Variants in ARHGAP15 observed in about 807,000 individuals in gnomAD.
The protein encoded by ARHGAP15 is Rho GTPase activating protein 15.
ARHGAP15 carries 51 observed loss-of-function variants against 63.7 expected under a neutral mutation model. That is an observed-to-expected ratio of 0.80 (90% CI 0.64 to 1.01). The LOEUF (loss-of-function observed/expected upper bound fraction) is 1.01. ARHGAP15 is among the 50% of genes least tolerant of loss of function. ARHGAP15 has a pLI of 0.00. For synonymous variants in ARHGAP15, 191 were observed against 193.8 expected (o/e 0.99, Z 0.12); for missense variants, 560 against 564.6 (o/e 0.99, Z 0.08).
intron 10 of ARHGAP15, among the ~76,000 whole-genome samples, chr2:143,528,792 C>A (rs1375214753): frequency 6.6e-6 from 1 of 152,078 alleles, no homozygotes. Flanking sequence ...GTCACGACAA[C>A]AGTGAGATTT....
chr2:143,360,552 G>T (rs1686004390), intron 6 of ARHGAP15, among the ~76,000 whole-genome samples: 1 of 151,982 alleles, frequency 6.6e-6, no homozygotes, highest in South Asian at 2.1e-4. Context: ...CTGTCCAAGA[G>T]TTTTAAGCAA....
At chr2:143,708,701 A>G (rs953970569) in intron 13 of ARHGAP15, among the ~76,000 whole-genome samples, 3 of 151,936 alleles carry the variant, frequency 2.0e-5, no homozygotes, top group Non-Finnish European at 2.9e-5. Context: ...GGCATAAGGA[A>G]ATTGGAAATA....
chr2:143,439,634 G>A (rs1574452652), intron 8 of ARHGAP15, among the ~76,000 whole-genome samples: 1 of 151,742 alleles, frequency 6.6e-6, no homozygotes, highest in Non-Finnish European at 1.5e-5. Flanking sequence ...AATCCTATGA[G>A]GTAGATACTA....
intron 13 of ARHGAP15, among the ~76,000 whole-genome samples, chr2:143,749,302 A>G (rs115679528): frequency 1.8e-3 from 272 of 152,306 alleles, no homozygotes; most frequent in African/African-American, 5.6e-3. Flanking sequence ...GAACATTTCA[A>G]GGTCACATCT....
chr2:143,631,801 TTTTGATAAAGTCCAG>T (rs1241369761), intron 12 of ARHGAP15, among the ~76,000 whole-genome samples: 1 of 152,108 alleles, frequency 6.6e-6, no homozygotes, highest in African/African-American at 2.4e-5. Flanking sequence ...ACATTTTTAA[TTTTGATAAAGTCCAG>T]TTTATCCATT....
chr2:143,195,507 A>G (rs1231379263), intron 2 of ARHGAP15, among the ~76,000 whole-genome samples: 1 of 152,206 alleles, frequency 6.6e-6, no homozygotes, highest in Non-Finnish European at 1.5e-5. Flanking sequence ...AAAAAGCTTC[A>G]CTAACTTTCC....
intron 13 of ARHGAP15, among the ~76,000 whole-genome samples, chr2:143,713,356 C>A (rs575143996): frequency 6.6e-6 from 1 of 152,122 alleles, no homozygotes; most frequent in Non-Finnish European, 1.5e-5. Context: ...AATGACCAGC[C>A]CCCATGATCC....
intron 6 of ARHGAP15, among the ~76,000 whole-genome samples, chr2:143,308,477 AACACACACAC>A (rs4008341): frequency 1.7e-4 from 26 of 149,282 alleles, no homozygotes; most frequent in African/African-American, 5.2e-4. Flanking sequence ...GTTGATAAGA[AACACACACAC>A]ACACACACAC....
At chr2:143,262,038 C>G (rs185948878) in intron 6 of ARHGAP15, among the ~76,000 whole-genome samples, 3 of 152,034 alleles carry the variant, frequency 2.0e-5, no homozygotes, top group African/African-American at 7.2e-5. Context: ...AAGGCTCTTT[C>G]AGGTTTCCTA....
In ARHGAP15 at chr2:143,755,274, T is replaced by TGG. The variant is rs11298875; in HGVS notation, c.1245-12705_1245-12704dup. 2.1e-3 allele frequency among the ~76,000 whole-genome samples: 283 copies of TGG among 134,318 alleles called. 3 individuals are homozygous for TGG. Among genetic ancestry groups the TGG allele is most frequent in the African/African-American group, 6.3e-3 (231 of 36,472 alleles). The allele number at this position is 134,318 out of a possible 152,430, so 88.1% of individuals were successfully genotyped here. On this transcript the variant is annotated intron_variant, in intron 13 of 13. Transcript: ENST00000295095. ...GCTCCCAATGCTTTGCCAGCATATA[T>TGG]GGGGGGGGGGGATCTATACCAAATA...
chr2:143,562,449 G>A (rs944882646), intron 11 of ARHGAP15, among the ~76,000 whole-genome samples: 1 of 152,006 alleles, frequency 6.6e-6, no homozygotes, highest in African/African-American at 2.4e-5. Context: ...TTTTTAAAAC[G>A]AGGTATTTCC....
chr2:143,643,349 T>G (rs561720402), intron 12 of ARHGAP15, among the ~76,000 whole-genome samples: 21 of 152,034 alleles, frequency 1.4e-4, no homozygotes, highest in East Asian at 1.2e-3. Context: ...CCCAGAAGAT[T>G]GGCCAAATTT....
At chr2:143,505,787 T>C (rs893569319) in intron 9 of ARHGAP15, among the ~76,000 whole-genome samples, 3 of 152,198 alleles carry the variant, frequency 2.0e-5, no homozygotes, top group African/African-American at 4.8e-5. Context: ...AAAGCCACTT[T>C]TAAGCTGAAG....
intron 12 of ARHGAP15, among the ~76,000 whole-genome samples, chr2:143,660,335 C>T (rs1301873186): frequency 6.6e-6 from 1 of 152,110 alleles, no homozygotes; most frequent in East Asian, 1.9e-4. Context: ...ATTCCAATTG[C>T]ATTTGGGGAA....
intron 9 of ARHGAP15, among the ~76,000 whole-genome samples, chr2:143,502,469 G>A (rs13010332): frequency 2.0e-5 from 3 of 152,106 alleles, no homozygotes; most frequent in African/African-American, 7.2e-5. Flanking sequence ...TTAGTGGAAA[G>A]CACTTCCCTG....
intron 6 of ARHGAP15, among the ~76,000 whole-genome samples, chr2:143,301,415 A>G (rs1366344154): frequency 6.6e-6 from 1 of 151,996 alleles, no homozygotes; most frequent in East Asian, 1.9e-4. Flanking sequence ...CTTAAAGGTG[A>G]CAAAAGCACT....
chr2:143,311,684 A>G (rs995142996), intron 6 of ARHGAP15, among the ~76,000 whole-genome samples: 3 of 152,116 alleles, frequency 2.0e-5, no homozygotes, highest in Non-Finnish European at 2.9e-5. Flanking sequence ...TCAGGACCCA[A>G]TTCAGCAGCA....
At chr2:143,577,610 A>G (rs1262656950) in intron 11 of ARHGAP15, among the ~76,000 whole-genome samples, 1 of 152,130 alleles carries the variant, frequency 6.6e-6, no homozygotes, top group Non-Finnish European at 1.5e-5. Flanking sequence ...TAAAATGACC[A>G]CCAGCAGTTC....
chr2:143,183,934 GC>G (rs1169500342), intron 2 of ARHGAP15, among the ~76,000 whole-genome samples: 1 of 152,106 alleles, frequency 6.6e-6, no homozygotes, highest in Non-Finnish European at 1.5e-5. Flanking sequence ...TGCTGTGATT[GC>G]CCTTGCTCTT....
Sources: allele counts gnomAD v4.1 joint callset (sites outside exome capture counted in the v4.1 genomes callset), GRCh38; gene constraint gnomAD v4.1.1; transcripts MANE v1.5; gene names NCBI Gene and HGNC (gene_info 2026-07-23, HGNC 2026-07-21).